The following F8 variants were observed in gnomAD, a reference collection of about 807,000 sequenced individuals.
The protein encoded by F8 is coagulation factor VIII, also known as antihemophilic factor.
A neutral mutation model predicts 140.6 loss-of-function variants in F8; 12 were observed. The observed-to-expected ratio is 0.09, with a 90% CI of 0.05 to 0.14. The LOEUF is 0.14. F8 is among the 10% of genes least tolerant of loss of function. F8 has a pLI of 1.00. For synonymous variants in F8, 585 were observed against 614.6 expected (o/e 0.95, Z 0.71); for missense variants, 1,354 against 1,720.7 (o/e 0.79, Z 3.77).
At chrX:155,010,886 T>C (rs1377594223) in intron 1 of F8, among the ~76,000 whole-genome samples, 2 of 111,428 alleles carry the variant, frequency 1.8e-5, no homozygotes, top group African/African-American at 6.5e-5. Flanking sequence ...CCTCACACCA[T>C]ATACCAAAAT....
intron 14 of F8, among the ~76,000 whole-genome samples, chrX:154,913,356 GT>G (rs1390467493): frequency 9.0e-6 from 1 of 111,185 alleles, no homozygotes; most frequent in Non-Finnish European, 1.9e-5. Context: ...CAAACCATAT[GT>G]TTCCACCCAT....
intron 21 of F8, among the ~76,000 whole-genome samples, chrX:154,898,688 C>G (rs1321041193): frequency 8.9e-6 from 1 of 112,227 alleles, no homozygotes; most frequent in East Asian, 2.8e-4. Context: ...TGTGCACATA[C>G]TAAGGAAGTC....
chrX:154,864,128 TG>T (rs782264958), intron 22 of F8, among the ~76,000 whole-genome samples: 1 of 112,609 alleles, frequency 8.9e-6, no homozygotes, highest in Admixed American at 9.3e-5. Context: ...CCAGTCTTGC[TG>T]TACCATGTTC....
At chrX:154,914,909 C>G (rs369703268) in intron 14 of F8, among the ~76,000 whole-genome samples, 15 of 111,690 alleles carry the variant, frequency 1.3e-4, no homozygotes, top group African/African-American at 3.3e-4. Context: ...CAGTGCCCCC[C>G]CTACCTCGGT....
At chrX:154,877,967 C>T (rs1050088781) in intron 22 of F8, among the ~76,000 whole-genome samples, 43 of 111,159 alleles carry the variant, frequency 3.9e-4, no homozygotes, top group Middle Eastern at 4.7e-3. Context: ...ATGTGCCAGG[C>T]ATTGTGCTAG....
intron 1 of F8, among the ~76,000 whole-genome samples, chrX:155,014,761 T>C (rs1229586740): frequency 9.8e-5 from 11 of 111,960 alleles, no homozygotes; most frequent in African/African-American, 2.9e-4. Context: ...CAAAATATCC[T>C]AGAGGGAAAT....
chrX:155,002,181 G>A (rs375854459), intron 1 of F8, among the ~76,000 whole-genome samples: 17 of 112,205 alleles, frequency 1.5e-4, no homozygotes, highest in Admixed American at 1.0e-3. Context: ...TCCTTCTTTC[G>A]TAATGCTTTG....
intron 14 of F8, among the ~76,000 whole-genome samples, chrX:154,914,937 G>A (rs2073087787): frequency 9.0e-6 from 1 of 111,501 alleles, no homozygotes; most frequent in Admixed American, 9.5e-5. Flanking sequence ...TACTGTATTA[G>A]TCTGTTCTCA....
chrX:154,947,635 G>T (rs1368878491), intron 13 of F8, 63 bp downstream of exon 13: 15 of 886,457 alleles, frequency 1.7e-5, no homozygotes, highest in Non-Finnish European at 2.3e-5. Flanking sequence ...GTGGGCAAAA[G>T]AGCATACGAA....
chrX:154,842,421 T>C (rs1278076559), intron 25 of F8, among the ~76,000 whole-genome samples: 3 of 112,008 alleles, frequency 2.7e-5, no homozygotes, highest in African/African-American at 9.7e-5. Context: ...GAGACATACC[T>C]TAGCTCATTA....
In F8 at chrX:154,993,265, T is replaced by G. The variant is rs2073598930; in HGVS notation, c.389-117A>C. 4 of 585,621 alleles carry G rather than the reference T, an allele frequency of 6.8e-6. No homozygotes were observed. In the Admixed American group the frequency reaches 1.3e-4, roughly 19 times the overall value. 48.3% of individuals were successfully genotyped at this position (585,621 alleles called of 1,213,427 possible). ...AAGAAACGGACTTTCTGCATCTTTG[T>G]TGTTGTTGTTGTTGTTGTTTTGAGA... is the stretch of plus-strand genomic sequence containing the variant. On this transcript the variant is annotated intron_variant, in intron 3 of 25. Transcript: ENST00000360256.
At chrX:154,926,099 C>T (rs782371611) in intron 14 of F8, among the ~76,000 whole-genome samples, 7 of 111,873 alleles carry the variant, frequency 6.3e-5, no homozygotes, top group African/African-American at 2.3e-4. Flanking sequence ...GAGGAGTTTC[C>T]CTGCACAAGC....
At chrX:154,966,755 A>G (rs2073426737) in intron 7 of F8, 68 bp from the exon 8 acceptor site, 1 of 1,127,496 alleles carries the variant, frequency 8.9e-7, no homozygotes, top group South Asian at 1.8e-5. Context: ...ACCAGAGACT[A>G]GGTAATTTAT....
intron 6 of F8, among the ~76,000 whole-genome samples, chrX:154,970,521 C>CA (rs2073450951): frequency 8.9e-6 from 1 of 111,814 alleles, no homozygotes; most frequent in African/African-American, 3.3e-5. Context: ...ATTCTCCCCT[C>CA]TAAGACTTTT....
chrX:154,847,728 C>T (rs782214773), intron 25 of F8, among the ~76,000 whole-genome samples: 2 of 112,146 alleles, frequency 1.8e-5, no homozygotes, highest in South Asian at 7.4e-4. Context: ...GTGATGGGTT[C>T]GAACTTCCTC....
At chrX:154,926,420 G>A (rs782072505) in intron 14 of F8, among the ~76,000 whole-genome samples, 3 of 112,097 alleles carry the variant, frequency 2.7e-5, no homozygotes, top group African/African-American at 9.7e-5. Context: ...CTGTTGCCCA[G>A]GCTGGAGTGC....
intron 14 of F8, among the ~76,000 whole-genome samples, chrX:154,923,589 T>C (rs111987645): frequency 0.01 from 1,145 of 112,188 alleles, 12 homozygotes; most frequent in African/African-American, 0.035. Context: ...GTAATCCCAG[T>C]GCTTTGGGAG....
chrX:154,977,084 G>T (rs2073490927), intron 6 of F8, among the ~76,000 whole-genome samples: 1 of 111,246 alleles, frequency 9.0e-6, no homozygotes, highest in Admixed American at 9.5e-5. Flanking sequence ...TTACCATGAG[G>T]CTTACACAGA....
At chrX:154,984,574 A>G (rs938513580) in intron 6 of F8, 113 bp downstream of exon 6, 12 of 591,238 alleles carry the variant, frequency 2.0e-5, no homozygotes, top group Non-Finnish European at 3.6e-5. Flanking sequence ...GAGATCTTCA[A>G]GTATTCAGTG....
Sources: gnomAD v4.1 joint callset for allele counts (sites outside exome capture counted in the v4.1 genomes callset) on GRCh38, gnomAD v4.1.1 for gene constraint, MANE v1.5 for transcripts, NCBI Gene and HGNC (gene_info 2026-07-23, HGNC 2026-07-21) for gene names.